Variants in ENGASE observed in about 807,000 individuals in gnomAD.
The protein encoded by ENGASE is endo-beta-N-acetylglucosaminidase, also known as cytosolic endo-beta-N-acetylglucosaminidase.
ENGASE carries 69 observed loss-of-function variants against 78.5 expected under a neutral mutation model. The observed-to-expected ratio is 0.88, with a 90% CI of 0.72 to 1.07. The LOEUF (loss-of-function observed/expected upper bound fraction) is 1.07, where lower values mean the gene tolerates loss of function less well. Among genes scored for constraint, ENGASE ranks in the 50% least tolerant of loss-of-function variants. The probability of loss-of-function intolerance (pLI) is 0.00; values close to 1 mark genes in which losing one functional copy is unlikely to be tolerated. For missense variants in ENGASE, 943 were observed against 988.4 expected, an observed-to-expected ratio of 0.95 and a Z score of 0.62; for synonymous variants, 408 against 408.9, an observed-to-expected ratio of 1.00 and a Z score of 0.03.
At chr17:79,078,520 G>A (rs1250933210) in intron 3 of ENGASE, among the ~76,000 whole-genome samples, 2 of 152,158 alleles carry the variant, frequency 1.3e-5, no homozygotes, top group African/African-American at 4.8e-5. Flanking sequence ...CCCTCACGTG[G>A]TTTGGTGTTC....
intron 7 of ENGASE, chr17:79,082,407 C>T (rs184512448): frequency 3.5e-4 from 435 of 1,237,410 alleles, no homozygotes; most frequent in African/African-American, 1.1e-3. Context: ...CCTGCGGGGA[C>T]GCACAGGGGC....
chr17:79,080,327 T>C lies in ENGASE; in HGVS notation c.686T>C (p.Phe229Ser), dbSNP rs1487201299. ...GTCCAGATCACTCAGTTTTTTCGTTTTGATGGCTGGCTGATCAACATCGAG... is the reference window on the plus strand; with the variant it reads ...GTCCAGATCACTCAGTTTTTTCGTTCTGATGGCTGGCTGATCAACATCGAG... The part of the protein sequence containing the change: ...RLVQITQFFR[F>S]DGWLINIENS... The change falls in exon 5 of 14, where the codon TTT becomes TCT. Residue 229 changes from phenylalanine to serine, a missense_variant. Transcript: ENST00000579016. The C allele has an allele frequency of 6.2e-7, 1 of 1,613,774 alleles. No homozygotes were observed. Among genetic ancestry groups the C allele is most frequent in the African/African-American group, 1.3e-5 (1 of 74,920 alleles).
At position 79,081,901 on chromosome 17, in the gene ENGASE, C is replaced by T; in HGVS notation, c.876C>T (p.Val292=). ...GCAGGTCCTTGTTGCTTCTCAGGGT[C>T]TTCTTTGATTCCTGCGACGGCTTCT... ...WQDELNQHNR[V]FFDSCDGFFT... Residue 292 remains valine (V), a synonymous_variant, in exon 7 of 14, where the codon GTC becomes GTT. Transcript: ENST00000579016. 6.2e-7 allele frequency: 1 copy of T among 1,610,632 alleles called. No homozygotes were observed. Among genetic ancestry groups the T allele is most frequent in the Non-Finnish European group, 8.5e-7 (1 of 1,177,730 alleles).
rs762330771 is a variant in ENGASE, at chr17:79,085,283, C to G, written c.1641C>G (p.Thr547=). The stretch of plus-strand genomic sequence containing the variant: ...TCCGACCCCTCCGGGTGCCCCCCAC[C>G]AAGCTGGCCAGATGGGTGGGCCGCT... The part of the protein sequence containing the change: ...HSLRPLRVPP[T]KLARWVGRCG... Residue 547 remains threonine (T), a synonymous_variant, in exon 12 of 14, where the codon ACC becomes ACG. Coordinates refer to ENST00000579016, the MANE Select transcript of ENGASE (RefSeq NM_001042573.3). 1.2e-6 allele frequency: 2 copies of G among 1,613,490 alleles called. No individual in the cohort carries two copies. Among genetic ancestry groups the G allele is most frequent in the Admixed American group, 3.3e-5 (2 of 60,018 alleles).
rs188583347 is a variant in ENGASE at position 79,082,699 on chromosome 17, C to T, written c.1039-321C>T. On this transcript the variant is annotated intron_variant, in intron 7 of 13. Coordinates refer to ENST00000579016, the MANE Select transcript of ENGASE (RefSeq NM_001042573.3). ...ATCCAATAACTAAAGAGCCTCTTTA[C>T]TGCCCGTGATTCTGATAATCGAATG... 14 of 1,353,362 alleles carry T rather than the reference C, an allele frequency of 1.0e-5. No homozygotes were observed. The African/African-American group carries it at 1.5e-4, about 14-fold the overall frequency. 83.8% of individuals were successfully genotyped at this position (1,353,362 alleles called of 1,614,324 possible). A position where few individuals can be genotyped will look rare whatever the true frequency, so the allele number is the denominator to read the frequency against.
In ENGASE at chr17:79,083,709, C is replaced by G. The variant is rs1163349090; in HGVS notation, c.1252-52C>G. ...TTACCCTTCCCTGCCGCTCCGGGCA[C>G]CCCTGCTCTGTTGGCCTCTGCTGAG... On this transcript the variant is annotated intron_variant, in intron 9 of 13. Coordinates refer to ENST00000579016, the MANE Select transcript of ENGASE (RefSeq NM_001042573.3). The surrounding 1 kb of genome is among the most constrained non-coding windows in gnomAD (Gnocchi z 4.9). 1.9e-6 allele frequency: 3 copies of G among 1,581,810 alleles called. No homozygotes were observed. The highest frequency in any genetic ancestry group is 3.5e-5 in the Admixed American group (2 of 57,760).
Position 79,087,924 on chromosome 17 carries a change from T to C in ENGASE, c.*1575T>C, listed in dbSNP as rs964682204. The C allele has an allele frequency of 6.6e-6, 1 of 152,142 alleles. No homozygotes were observed. The highest frequency in any genetic ancestry group is 6.5e-5 in the Admixed American group (1 of 15,272). The allele number at this position is 152,142 out of a possible 1,614,324, so 9.4% of individuals were successfully genotyped here. A position where few individuals can be genotyped will look rare whatever the true frequency, so the allele number is the denominator to read the frequency against. On this transcript the variant is annotated 3_prime_UTR_variant, in exon 14 of 14. Transcript: ENST00000579016. ...ACTCATGCCAAGCAGAGACTGGGAT[T>C]AGGGGTTCTGTGCTCTTGCCTAATT...
At chr17:79,082,405 G>A in intron 7 of ENGASE, 2 of 1,240,858 alleles carry the variant, frequency 1.6e-6, no homozygotes, top group East Asian at 4.9e-5. Context: ...AGCCTGCGGG[G>A]ACGCACAGGG....
At chr17:79,080,874 A>T (rs767857162) in intron 5 of ENGASE, 51 bp from the exon 6 acceptor site, 1 of 1,570,730 alleles carries the variant, frequency 6.4e-7, no homozygotes, top group Non-Finnish European at 8.6e-7. Flanking sequence ...ACTTCTCATG[A>T]TAGATAGATC....
intron 7 of ENGASE, 25 bp downstream of exon 7, chr17:79,082,088 G>A (rs200007139): frequency 1.7e-4 from 267 of 1,614,012 alleles, no homozygotes; most frequent in Non-Finnish European, 2.1e-4. Flanking sequence ...TCGTCCAAGG[G>A]CCAGCGGCCC....
At chr17:79,078,624 G>A (rs1188461538) in intron 3 of ENGASE, among the ~76,000 whole-genome samples, 1 of 152,222 alleles carries the variant, frequency 6.6e-6, no homozygotes, top group African/African-American at 2.4e-5. Flanking sequence ...CACCCCAGGT[G>A]CAGACGTCCC....
chr17:79,082,577 C>T (rs557650357), intron 7 of ENGASE: 41 of 1,242,764 alleles, frequency 3.3e-5, no homozygotes, highest in Admixed American at 2.1e-4. Flanking sequence ...GCGTGGGATG[C>T]GCAGGGCTCT....
In ENGASE at chr17:79,086,307, C is replaced by T. The variant is rs746853950; in HGVS notation, c.2190C>T (p.Ala730=). ...AGGAAGGGTTCCGGGTACCTCAGGC[C>T]GAGTGGGGCAGGGCAGTTCTGCTTT... ...VPKEGFRVPQ[A]EWGRAVLLYS... Residue 730 remains alanine (A), a synonymous_variant, in exon 14 of 14, where the codon GCC becomes GCT. Coordinates refer to ENST00000579016, the MANE Select transcript of ENGASE (RefSeq NM_001042573.3). The T allele has an allele frequency of 1.3e-5, 21 of 1,613,420 alleles. No homozygotes were observed. The highest frequency in any genetic ancestry group is 1.4e-5 in the Non-Finnish European group (16 of 1,180,052).
At chr17:79,084,187 G>C in intron 10 of ENGASE, 5 of 561,884 alleles carry the variant, frequency 8.9e-6, no homozygotes, top group Non-Finnish European at 9.3e-6. Flanking sequence ...CAGATCCCTA[G>C]AACTGTGTCA....
At chr17:79,075,722 C>T (rs2072953209) in intron 1 of ENGASE, 4 of 985,316 alleles carry the variant, frequency 4.1e-6, no homozygotes, top group African/African-American at 1.7e-5. Flanking sequence ...ACATGGCTTC[C>T]GGAAACAGCA....
At chr17:79,082,525 C>T in intron 7 of ENGASE, 4 of 1,212,582 alleles carry the variant, frequency 3.3e-6, no homozygotes, top group Non-Finnish European at 4.2e-6. Context: ...AGGCAGGTCA[C>T]ACCAGCACAG....
intron 1 of ENGASE, among the ~76,000 whole-genome samples, chr17:79,076,923 A>G (rs1370974240): frequency 6.6e-6 from 1 of 151,948 alleles, no homozygotes; most frequent in African/African-American, 2.4e-5. Context: ...CCCAAGTTGG[A>G]GTGTAGTGGC....
At chr17:79,075,185 C>A (rs921498482) in intron 1 of ENGASE, 95 bp downstream of exon 1, 214 of 1,155,640 alleles carry the variant, frequency 1.9e-4, no homozygotes, top group Non-Finnish European at 2.1e-4. Flanking sequence ...CGCCGAGGGG[C>A]GGGGGGCCGG....
chr17:79,081,026 G>A lies in ENGASE; in HGVS notation c.825G>A (p.Val275=). 1.9e-6 allele frequency: 3 copies of A among 1,610,522 alleles called. No individual in the cohort carries two copies. Among genetic ancestry groups the A allele is most frequent in the Non-Finnish European group, 2.5e-6 (3 of 1,179,062 alleles). The part of the protein sequence containing the change: ...GGLVLWYDSV[V]QSGQLKWQDE... The stretch of plus-strand genomic sequence containing the variant: ...TGGTGCTCTGGTATGACAGCGTGGT[G>A]CAAAGTGGGCAGCTCAAATGGCAAG... Residue 275 remains valine, a synonymous_variant, in exon 6 of 14, where the codon GTG becomes GTA. Coordinates refer to ENST00000579016, the MANE Select transcript of ENGASE (RefSeq NM_001042573.3).
Sources: gnomAD v4.1 joint callset for allele counts (sites outside exome capture counted in the v4.1 genomes callset) on GRCh38, gnomAD v4.1.1 for gene constraint, Gnocchi (gnomAD v3.1) non-coding constraint, MANE v1.5 for transcripts, NCBI Gene and HGNC (gene_info 2026-07-23, HGNC 2026-07-21) for gene names.